The following ZNF17 variants were observed in gnomAD, a reference collection of about 807,000 sequenced individuals.
The protein encoded by ZNF17 is zinc finger protein 17 (HPF3, KOX 10).
Under a neutral mutation model 7.7 loss-of-function variants are expected in ZNF17, and 4 were observed. The observed-to-expected ratio is 0.52, with a 90% CI of 0.26 to 1.20. ZNF17 has a LOEUF of 1.20. ZNF17 is among the 50% of genes most tolerant of loss of function. The pLI, the probability that ZNF17 is intolerant of heterozygous loss-of-function variation, is 0.14. For synonymous variants in ZNF17, 249 were observed against 258.8 expected, an observed-to-expected ratio of 0.96 and a Z score of 0.36; for missense variants, 738 against 799.5, an observed-to-expected ratio of 0.92 and a Z score of 0.93.
rs2088774280 is a variant in ZNF17 at position 57,411,308 on chromosome 19, C to T, written c.-119C>T. 1 of 1,557,636 alleles carries T rather than the reference C, an allele frequency of 6.4e-7. No individual in the cohort carries two copies. Among genetic ancestry groups the T allele is most frequent in the African/African-American group, 1.4e-5 (1 of 74,038 alleles). The stretch of plus-strand genomic sequence containing the variant: ...GAGTGAGGCTCGGTTGAATCGGTTG[C>T]AGGCGTTGGTGCCTCTGTCAGCGTC... On this transcript the variant is annotated 5_prime_UTR_variant, in exon 1 of 4. Coordinates refer to ENST00000307658, the MANE Select transcript of ZNF17 (RefSeq NM_001330617.2).
At chr19:57,416,752 C>A (rs972987630) in intron 2 of ZNF17, among the ~76,000 whole-genome samples, 8 of 151,718 alleles carry the variant, frequency 5.3e-5, no homozygotes, top group Non-Finnish European at 1.0e-4. Flanking sequence ...TTGTGATCTA[C>A]CTGCCTCAGC....
chr19:57,413,458 C>T, intron 1 of ZNF17, 138 bp from the exon 2 acceptor site: 1 of 826,378 alleles, frequency 1.2e-6, no homozygotes, highest in Non-Finnish European at 1.9e-6. Context: ...CAGTCCTCAT[C>T]AAGACACTGA....
At chr19:57,414,931 CGATCTCCTGACCTCAT>C (rs2088802394) in intron 2 of ZNF17, among the ~76,000 whole-genome samples, 1 of 151,338 alleles carries the variant, frequency 6.6e-6, no homozygotes, top group Admixed American at 6.6e-5. Flanking sequence ...AGGATGGTCT[CGATCTCCTGACCTCAT>C]GATCTGCCCG....
chr19:57,411,682 G>C (rs185909043), intron 1 of ZNF17: 944 of 1,337,080 alleles, frequency 7.1e-4, no homozygotes, highest in Non-Finnish European at 8.5e-4. Flanking sequence ...GGAGGGCAGC[G>C]GAGCTGCTGA....
intron 1 of ZNF17, among the ~76,000 whole-genome samples, chr19:57,413,217 T>C (rs538756782): frequency 6.6e-6 from 1 of 152,198 alleles, no homozygotes; most frequent in African/African-American, 2.4e-5. Context: ...GAAAGTTTTA[T>C]GTATCACATT....
rs769086066 is a variant in ZNF17 at position 57,420,812 on chromosome 19, G to T, written c.1326G>T (p.Lys442Asn). The T allele has an allele frequency of 3.7e-6, 6 of 1,613,862 alleles. No individual in the cohort carries two copies. The highest frequency in any genetic ancestry group is 5.1e-6 in the Non-Finnish European group (6 of 1,180,012). The change falls in exon 4 of 4, where the codon AAG becomes AAT. Residue 442 changes from lysine (K) to asparagine (N), a missense_variant. Lys to Asn is a moderately conservative substitution (Grantham distance 94). Around this residue, in one of 3 missense-constraint regions of ZNF17, gnomAD observed 616 missense variants for 663.9 expected, o/e 0.93. Transcript: ENST00000307658. ...IIHQRVHTGE[K>N]PYECNKCGKF... ...ATCAGAGAGTTCATACTGGAGAAAAGCCTTATGAATGCAACAAATGTGGGA... is the reference window on the plus strand; with the variant it reads ...ATCAGAGAGTTCATACTGGAGAAAATCCTTATGAATGCAACAAATGTGGGA...
In ZNF17 at chr19:57,411,202, T is replaced by C; in HGVS notation, c.-225T>C. On this transcript the variant is annotated 5_prime_UTR_variant, in exon 1 of 4. Transcript: ENST00000307658. ...TTGTCAATATGGCTGCGTTGGGATC[T>C]GTTCACCTTCAGGCTGAGTCGAGAC... is the stretch of plus-strand genomic sequence containing the variant. 1 of 741,396 alleles carries C rather than the reference T, an allele frequency of 1.3e-6. No individual in the cohort carries two copies. Among genetic ancestry groups the C allele is most frequent in the Non-Finnish European group, 2.1e-6 (1 of 477,446 alleles). 45.9% of individuals were successfully genotyped at this position (741,396 alleles called of 1,614,324 possible).
At chr19:57,414,007 C>A (rs2088795023) in intron 2 of ZNF17, among the ~76,000 whole-genome samples, 1 of 152,062 alleles carries the variant, frequency 6.6e-6, no homozygotes, top group South Asian at 2.1e-4. Context: ...CATGGAATGG[C>A]AGCCTGAGGT....
rs183322516 is a variant in ZNF17 at position 57,421,686 on chromosome 19, T to C, written c.*205T>C. 1,152 of 557,978 alleles carry C rather than the reference T, an allele frequency of 2.1e-3. 14 individuals are homozygous for C. Among genetic ancestry groups the C allele is most frequent in the South Asian group, 1.1e-3 (32 of 28,090 alleles). The allele number at this position is 557,978 out of a possible 1,614,324, so 34.6% of individuals were successfully genotyped here. On this transcript the variant is annotated 3_prime_UTR_variant, in exon 4 of 4. Coordinates refer to ENST00000307658, the MANE Select transcript of ZNF17 (RefSeq NM_001330617.2). Reference sequence around the variant, plus strand: ...AATATCTAGAAGTCTTTTCAACTTATGAAACTAAGTCTATACCTTTTAAAA... The same window carrying C: ...AATATCTAGAAGTCTTTTCAACTTACGAAACTAAGTCTATACCTTTTAAAA...
intron 3 of ZNF17, among the ~76,000 whole-genome samples, chr19:57,418,873 C>G (rs2088828473): frequency 8.2e-6 from 1 of 122,122 alleles, no homozygotes; most frequent in Non-Finnish European, 1.7e-5. Context: ...CTCACCTGTT[C>G]CCGTTTTTTG....
chr19:57,413,215 T>C (rs1321298453), intron 1 of ZNF17, among the ~76,000 whole-genome samples: 1 of 152,194 alleles, frequency 6.6e-6, no homozygotes, highest in African/African-American at 2.4e-5. Flanking sequence ...TGGAAAGTTT[T>C]ATGTATCACA....
rs549129638 is a variant in ZNF17, at chr19:57,417,161, C to A, written c.22-751C>A. On this transcript the variant is annotated intron_variant, in intron 2 of 3. Transcript: ENST00000307658. ...GAAATGATTTTTATTCCTTTCATTT[C>A]CTGAGTGCAGGGAGCATGCCACATC... 3.9e-5 allele frequency among the ~76,000 whole-genome samples: 6 copies of A among 152,118 alleles called. No homozygotes were observed. In the South Asian group the frequency reaches 1.2e-3, roughly 32 times the overall value.
intron 2 of ZNF17, among the ~76,000 whole-genome samples, chr19:57,414,924 A>T (rs1028905627): frequency 1.3e-5 from 2 of 150,450 alleles, no homozygotes; most frequent in Admixed American, 6.6e-5. Context: ...CCGTGTTAGG[A>T]TGGTCTCGAT....
chr19:57,416,251 G>A (rs1216264164), intron 2 of ZNF17, among the ~76,000 whole-genome samples: 1 of 152,118 alleles, frequency 6.6e-6, no homozygotes, highest in African/African-American at 2.4e-5. Context: ...AGAGTGGCAT[G>A]GTAACACGCC....
In ZNF17 at chr19:57,421,760, A is replaced by G. The variant is rs533940341; in HGVS notation, c.*279A>G. The G allele has an allele frequency of 1.2e-4, 35 of 303,306 alleles. No individual in the cohort carries two copies. Among genetic ancestry groups the G allele is most frequent in the African/African-American group, 7.1e-4 (33 of 46,478 alleles). 18.8% of individuals were successfully genotyped at this position (303,306 alleles called of 1,614,324 possible). ...CTCTTGACAAGCACCGCTCTGTATG[A>G]ATTTTACTAGTCCGGGTACCTCATA... is the stretch of plus-strand genomic sequence containing the variant. On this transcript the variant is annotated 3_prime_UTR_variant, in exon 4 of 4. Coordinates refer to ENST00000307658, the MANE Select transcript of ZNF17 (RefSeq NM_001330617.2).
chr19:57,413,728 T>C, intron 2 of ZNF17, 92 bp downstream of exon 2: 1 of 1,461,584 alleles, frequency 6.8e-7, no homozygotes, highest in Non-Finnish European at 9.3e-7. Context: ...TGTTCACCTT[T>C]TCTTCTCTCT....
chr19:57,420,665 T>G lies in ZNF17; in HGVS notation c.1179T>G (p.Cys393Trp). 1 of 1,614,002 alleles carries G rather than the reference T, an allele frequency of 6.2e-7. No individual in the cohort carries two copies. Among genetic ancestry groups the G allele is most frequent in the Non-Finnish European group, 8.5e-7 (1 of 1,179,962 alleles). ...TGEKPYECNECGKFFRYRSTL... is the reference protein window; with the variant it reads ...TGEKPYECNEWGKFFRYRSTL... ...AAAAACCTTATGAATGCAACGAATGTGGGAAATTCTTTAGATACCGTTCCA... is the reference window on the plus strand; with the variant it reads ...AAAAACCTTATGAATGCAACGAATGGGGGAAATTCTTTAGATACCGTTCCA... Residue 393 changes from cysteine to tryptophan, a missense_variant, in exon 4 of 4, where the codon TGT (cysteine) becomes TGG (tryptophan). Around this residue, in one of 3 missense-constraint regions of ZNF17, gnomAD observed 616 missense variants for 663.9 expected, o/e 0.93. Transcript: ENST00000307658.
rs2088854896 is a variant in ZNF17 at position 57,421,933 on chromosome 19, A to G, written c.*452A>G. On this transcript the variant is annotated 3_prime_UTR_variant, in exon 4 of 4. Coordinates refer to ENST00000307658, the MANE Select transcript of ZNF17 (RefSeq NM_001330617.2). The stretch of plus-strand genomic sequence containing the variant: ...AAATTCTGTTAGTCATGTGTTGCTT[A>G]ACAGTGGGGAAGTGTCCTGAGAAAA... 6.4e-6 allele frequency: 1 copy of G among 157,242 alleles called. No homozygotes were observed. Among genetic ancestry groups the G allele is most frequent in the Non-Finnish European group, 1.4e-5 (1 of 71,168 alleles). 9.7% of individuals were successfully genotyped at this position (157,242 alleles called of 1,614,324 possible). A position where few individuals can be genotyped will look rare whatever the true frequency, so the allele number is the denominator to read the frequency against.
chr19:57,415,092 T>C (rs1487647133), intron 2 of ZNF17, among the ~76,000 whole-genome samples: 2 of 152,120 alleles, frequency 1.3e-5, no homozygotes, highest in African/African-American at 4.8e-5. Flanking sequence ...CAAGGATACC[T>C]GGGTGATAAT....
Sources: gnomAD v4.1 joint callset for allele counts (sites outside exome capture counted in the v4.1 genomes callset) on GRCh38, gnomAD v4.1.1 for gene constraint, gnomAD v4.1.1 regional missense constraint, MANE v1.5 for transcripts, NCBI Gene and HGNC (gene_info 2026-07-23, HGNC 2026-07-21) for gene names.